Variants in AK8 observed in about 807,000 individuals in gnomAD.
AK8 encodes adenylate kinase 8.
AK8 carries 44 observed loss-of-function variants against 54.6 expected under a neutral mutation model. The observed-to-expected ratio is 0.81, with a 90% CI of 0.63 to 1.04. The LOEUF (loss-of-function observed/expected upper bound fraction) is 1.04, where lower values mean the gene tolerates loss of function less well. AK8 is among the 50% of genes least tolerant of loss of function. The probability of loss-of-function intolerance (pLI) is 0.00; values close to 1 mark genes in which losing one functional copy is unlikely to be tolerated. For missense variants in AK8, 555 were observed against 613.6 expected (o/e 0.90, Z 1.01); for synonymous variants, 239 against 245.6 (o/e 0.97, Z 0.25).
At chr9:132,876,223 C>A (rs1844090614) in intron 1 of AK8, among the ~76,000 whole-genome samples, 1 of 152,182 alleles carries the variant, frequency 6.6e-6, no homozygotes, top group Non-Finnish European at 1.5e-5. Flanking sequence ...TTCAGTAGCA[C>A]AGCTGGAGTG....
In AK8 at chr9:132,826,819, G is replaced by A. The variant is rs199805946; in HGVS notation, c.757+35C>T. On this transcript the variant is annotated intron_variant, in intron 8 of 12. Transcript: ENST00000298545. The surrounding 1 kb of genome is among the most constrained non-coding windows in gnomAD (Gnocchi z 4.5). Reference sequence around the variant, plus strand: ...GGCACAGCGAGCCCCGCCCTTGGCCGTCTGTCCAGGGTGGGGCTGCCTGCT... The same window carrying A: ...GGCACAGCGAGCCCCGCCCTTGGCCATCTGTCCAGGGTGGGGCTGCCTGCT... The A allele has an allele frequency of 1.2e-4, 192 of 1,606,474 alleles. 1 individual carries two copies. The African/African-American group carries it at 2.0e-3, about 16-fold the overall frequency.
chr9:132,836,825 T>C (rs1229209238), intron 5 of AK8, among the ~76,000 whole-genome samples: 1 of 152,240 alleles, frequency 6.6e-6, no homozygotes, highest in Non-Finnish European at 1.5e-5. Flanking sequence ...TGGAAGCCCA[T>C]GTGACTGTTT....
chr9:132,772,260 A>G, intron 11 of AK8, among the ~76,000 whole-genome samples: 1 of 152,240 alleles, frequency 6.6e-6, no homozygotes, highest in African/African-American at 2.4e-5. Flanking sequence ...TACCAGACTC[A>G]TAGCCCGCTG....
chr9:132,789,714 C>A (rs933540210), intron 11 of AK8, among the ~76,000 whole-genome samples: 1 of 151,386 alleles, frequency 6.6e-6, no homozygotes, highest in African/African-American at 2.4e-5. Context: ...GGGCTTAGGT[C>A]AAGGTATCAG....
At chr9:132,818,458 C>T (rs1015853697) in intron 9 of AK8, among the ~76,000 whole-genome samples, 3 of 152,146 alleles carry the variant, frequency 2.0e-5, no homozygotes, top group African/African-American at 7.2e-5. Flanking sequence ...AAATCTACTG[C>T]TGCGAGGCTC....
rs143077011 is a variant in AK8 at position 132,817,617 on chromosome 9, C to T, written c.890-2890G>A. Among the ~76,000 whole-genome samples, 136 of 152,160 alleles carry T rather than the reference C, an allele frequency of 8.9e-4. 2 individuals are homozygous for T. The Middle Eastern group carries it at 0.014, about 15-fold the overall frequency. On this transcript the variant is annotated intron_variant, in intron 9 of 12. Transcript: ENST00000298545. ...ATGAAACAAATCACTAGGTGTGCTGCAATCAGTGAATTTAAAGACAGGATA... is the reference window on the plus strand; with the variant it reads ...ATGAAACAAATCACTAGGTGTGCTGTAATCAGTGAATTTAAAGACAGGATA...
chr9:132,856,990 G>A (rs940158643), intron 4 of AK8, among the ~76,000 whole-genome samples: 2 of 152,136 alleles, frequency 1.3e-5, no homozygotes, highest in Admixed American at 6.5e-5. Context: ...AGTCAAGATC[G>A]AGAGCAAGAG....
Sources: allele counts gnomAD v4.1 joint callset (sites outside exome capture counted in the v4.1 genomes callset), GRCh38; gene constraint gnomAD v4.1.1; non-coding constraint Gnocchi (gnomAD v3.1); transcripts MANE v1.5; gene names NCBI Gene and HGNC (gene_info 2026-07-23, HGNC 2026-07-21).